JAKMIP1: variants seen among roughly 807,000 people sequenced by gnomAD.
JAKMIP1 encodes janus kinase and microtubule-interacting protein 1.
Under a neutral mutation model 113.0 loss-of-function variants are expected in JAKMIP1, and 33 were observed. The ratio of observed to expected loss-of-function variants is 0.29; its 90% CI spans 0.22 to 0.39. JAKMIP1 has a LOEUF of 0.39. JAKMIP1 is among the 10% of genes least tolerant of loss of function. The probability of loss-of-function intolerance (pLI) is 1.00; values close to 1 mark genes in which losing one functional copy is unlikely to be tolerated. For synonymous variants in JAKMIP1, 480 were observed against 459.9 expected (o/e 1.04, Z -0.56); for missense variants, 813 against 1,080.5 (o/e 0.75, Z 3.47).
At chr4:6,113,682 T>C (rs769808864) in intron 1 of JAKMIP1, among the ~76,000 whole-genome samples, 3 of 152,238 alleles carry the variant, frequency 2.0e-5, no homozygotes, top group Non-Finnish European at 4.4e-5. Context: ...GAGCCAGGAC[T>C]GAGCCTAATC....
Position 6,059,498 on chromosome 4 carries a change from C to G in JAKMIP1, c.1644+926G>C, listed in dbSNP as rs73073449. 1.1e-4 allele frequency among the ~76,000 whole-genome samples: 16 copies of G among 152,294 alleles called. No individual in the cohort carries two copies. In the East Asian group the frequency reaches 1.9e-3, roughly 18 times the overall value. On this transcript the variant is annotated intron_variant, in intron 11 of 20. Transcript: ENST00000409021. The surrounding 1 kb of genome is among the most constrained non-coding windows in gnomAD (Gnocchi z 4.8). ...ACCTTGCCTGGCCTCCTCAGCCCCC[C>G]ATAGATGCCTCTCTGCAGGCAGGGG...
rs375075941 is a variant in JAKMIP1 at position 6,167,970 on chromosome 4, G to A, written c.-148+32283C>T. On this transcript the variant is annotated intron_variant, in intron 1 of 20. Coordinates refer to ENST00000409021, the MANE Select transcript of JAKMIP1 (RefSeq NM_001099433.2). The surrounding 1 kb of genome is among the most constrained non-coding windows in gnomAD (Gnocchi z 5.3). ...ACAGCATGCAGACAATGAGGAGTCC[G>A]CCCATCCTCCACATCACCCGGTGTT... 1.4e-4 allele frequency among the ~76,000 whole-genome samples: 21 copies of A among 152,144 alleles called. No individual in the cohort carries two copies. The highest frequency in any genetic ancestry group is 2.9e-4 in the Non-Finnish European group (20 of 68,032).
chr4:6,058,573 T>G (rs1395490663), intron 11 of JAKMIP1, among the ~76,000 whole-genome samples: 1 of 152,236 alleles, frequency 6.6e-6, no homozygotes, highest in East Asian at 1.9e-4. Flanking sequence ...TTTTAAGTTA[T>G]TAGTCAATTG....
chr4:6,125,515 G>A (rs1384578224), intron 1 of JAKMIP1, among the ~76,000 whole-genome samples: 2 of 152,006 alleles, frequency 1.3e-5, no homozygotes, highest in South Asian at 2.1e-4. Context: ...GTGTCCAGGA[G>A]AGGGTGATTC....
At chr4:6,048,997 GTT>G in intron 15 of JAKMIP1, 75 bp from the exon 16 acceptor site, 4 of 881,526 alleles carry the variant, frequency 4.5e-6, no homozygotes, top group Non-Finnish European at 3.5e-6. Context: ...CACCAAGCAA[GTT>G]TTTTTTTTTC....
Position 6,180,831 on chromosome 4 carries a change from T to A in JAKMIP1, c.-148+19422A>T, listed in dbSNP as rs1427859048. On this transcript the variant is annotated intron_variant, in intron 1 of 20. Coordinates refer to ENST00000409021, the MANE Select transcript of JAKMIP1 (RefSeq NM_001099433.2). The surrounding 1 kb of genome is among the most constrained non-coding windows in gnomAD (Gnocchi z 4.5). The stretch of plus-strand genomic sequence containing the variant: ...CCATGGCACATTGAGCAGGGAGGAG[T>A]CTAGCTGCTCAAGTCCCAAGCTTAG... Among the ~76,000 whole-genome samples the A allele has an allele frequency of 6.6e-6, 1 of 151,602 alleles. No individual in the cohort carries two copies. Among genetic ancestry groups the A allele is most frequent in the Non-Finnish European group, 1.5e-5 (1 of 67,900 alleles).
chr4:6,121,360 G>T (rs1461864346), intron 1 of JAKMIP1, among the ~76,000 whole-genome samples: 1 of 152,176 alleles, frequency 6.6e-6, no homozygotes, highest in Non-Finnish European at 1.5e-5. Context: ...GGCGTCAAAT[G>T]GTCCTCAGTG....
intron 1 of JAKMIP1, among the ~76,000 whole-genome samples, chr4:6,152,419 G>A (rs1325300592): frequency 6.6e-6 from 1 of 152,114 alleles, no homozygotes; most frequent in African/African-American, 2.4e-5. Context: ...ACTGGCTGGG[G>A]AGCTGCCTGC....
intron 5 of JAKMIP1, among the ~76,000 whole-genome samples, chr4:6,082,155 C>G (rs1392956604): frequency 1.3e-5 from 2 of 152,036 alleles, no homozygotes; most frequent in Non-Finnish European, 2.9e-5. Flanking sequence ...AGAGAGGAGG[C>G]AATGGGCCCA....
In JAKMIP1 at chr4:6,086,676, C is replaced by A. The variant is rs1313907984; in HGVS notation, c.625-1047G>T. Reference sequence around the variant, plus strand: ...GCACTGTCCTGGTTGAATAGCAGGCCCCCAAGACCCATGGCCTTCCTGGAA... The same window carrying A: ...GCACTGTCCTGGTTGAATAGCAGGCACCCAAGACCCATGGCCTTCCTGGAA... On this transcript the variant is annotated intron_variant, in intron 3 of 20. Coordinates refer to ENST00000409021, the MANE Select transcript of JAKMIP1 (RefSeq NM_001099433.2). This position sits in a 1 kb window ranked among gnomAD's most constrained non-coding sequence, Gnocchi z 4.1. Among the ~76,000 whole-genome samples, 1 of 152,040 alleles carries A rather than the reference C, an allele frequency of 6.6e-6. No homozygotes were observed. The highest frequency in any genetic ancestry group is 1.9e-4 in the East Asian group (1 of 5,182).
chr4:6,044,221 G>GC lies in JAKMIP1; in HGVS notation c.2029-1995dup, dbSNP rs1032351506. Among the ~76,000 whole-genome samples, 9 of 152,150 alleles carry GC rather than the reference G, an allele frequency of 5.9e-5. No homozygotes were observed. Among genetic ancestry groups the GC allele is most frequent in the South Asian group, 2.1e-4 (1 of 4,812 alleles). On this transcript the variant is annotated intron_variant, in intron 16 of 20. Coordinates refer to ENST00000409021, the MANE Select transcript of JAKMIP1 (RefSeq NM_001099433.2). The surrounding 1 kb of genome is among the most constrained non-coding windows in gnomAD (Gnocchi z 4.4). ...TGTCTGTTTCACCCCTCACCCCGCT[G>GC]CCCCCCTTGAAGGTGGGGACCACAT...
intron 8 of JAKMIP1, among the ~76,000 whole-genome samples, chr4:6,073,994 TC>T (rs1719337349): frequency 6.6e-6 from 1 of 152,168 alleles, no homozygotes; most frequent in Non-Finnish European, 1.5e-5. Flanking sequence ...CCTACCCCAG[TC>T]CCCAGGGCAC....
chr4:6,096,104 G>A (rs1360937676), intron 3 of JAKMIP1, among the ~76,000 whole-genome samples: 1 of 152,148 alleles, frequency 6.6e-6, no homozygotes, highest in Non-Finnish European at 1.5e-5. Context: ...CCCGGCCAAG[G>A]ACACAGGAGT....
In JAKMIP1 at chr4:6,136,710, T is replaced by G. The variant is rs1253014589; in HGVS notation, c.-147-23713A>C. Among the ~76,000 whole-genome samples, 2 of 152,190 alleles carry G rather than the reference T, an allele frequency of 1.3e-5. No individual in the cohort carries two copies. The highest frequency in any genetic ancestry group is 2.9e-5 in the Non-Finnish European group (2 of 68,040). On this transcript the variant is annotated intron_variant, in intron 1 of 20. Coordinates refer to ENST00000409021, the MANE Select transcript of JAKMIP1 (RefSeq NM_001099433.2). This position sits in a 1 kb window ranked among gnomAD's most constrained non-coding sequence, Gnocchi z 5.9. ...GAATCTGGAATTCCAAGAAATGGCC[T>G]GCCCAGGAAAAATAAATAAATAACA...
chr4:6,138,794 C>G lies in JAKMIP1; in HGVS notation c.-147-25797G>C, dbSNP rs1719639774. 6.6e-6 allele frequency among the ~76,000 whole-genome samples: 1 copy of G among 152,136 alleles called. No homozygotes were observed. The highest frequency in any genetic ancestry group is 1.5e-5 in the Non-Finnish European group (1 of 68,052). ...TCCTGGGGCAGGTGCCTTGTCCTCC[C>G]TGAGCTTCAGTTTCCCCTAACCTGG... is the stretch of plus-strand genomic sequence containing the variant. On this transcript the variant is annotated intron_variant, in intron 1 of 20. Transcript: ENST00000409021. The surrounding 1 kb of genome is among the most constrained non-coding windows in gnomAD (Gnocchi z 6.0).
chr4:6,106,543 T>TCTC lies in JAKMIP1; in HGVS notation c.130-579_130-577dup, dbSNP rs1236557332. Among the ~76,000 whole-genome samples the TCTC allele has an allele frequency of 6.6e-6, 1 of 151,398 alleles. No individual in the cohort carries two copies. The highest frequency in any genetic ancestry group is 2.4e-5 in the African/African-American group (1 of 41,146). The stretch of plus-strand genomic sequence containing the variant: ...TCCCTCTCTTTCTCCCTCTCTCCTC[T>TCTC]CTCTCTCTCTCTCTTCCTCTCTCTC... On this transcript the variant is annotated intron_variant, in intron 2 of 20. Transcript: ENST00000409021. The surrounding 1 kb of genome is among the most constrained non-coding windows in gnomAD (Gnocchi z 5.9).
Position 6,070,413 on chromosome 4 carries a change from G to A in JAKMIP1, c.1303-5405C>T, listed in dbSNP as rs200851567. On this transcript the variant is annotated intron_variant, in intron 8 of 20. Transcript: ENST00000409021. ...TTCAGTAAAAGGGAAGCCAGCTCCA[G>A]GGCAGAGCCCAGATGCTGGCCACGC... Among the ~76,000 whole-genome samples the A allele has an allele frequency of 4.6e-5, 7 of 152,366 alleles. No homozygotes were observed. The East Asian group carries it at 1.4e-3, about 29-fold the overall frequency.
At chr4:6,134,984 G>A (rs1719021996) in intron 1 of JAKMIP1, among the ~76,000 whole-genome samples, 1 of 152,218 alleles carries the variant, frequency 6.6e-6, no homozygotes, top group Non-Finnish European at 1.5e-5. Flanking sequence ...ACACAAGACA[G>A]CGTCTGGGCT....
chr4:6,092,744 C>T (rs889569198), intron 3 of JAKMIP1, among the ~76,000 whole-genome samples: 2 of 152,140 alleles, frequency 1.3e-5, no homozygotes, highest in Non-Finnish European at 2.9e-5. Context: ...CTATATCGGT[C>T]ATCATCACAT....
Sources: allele counts gnomAD v4.1 joint callset (sites outside exome capture counted in the v4.1 genomes callset), GRCh38; gene constraint gnomAD v4.1.1; non-coding constraint Gnocchi (gnomAD v3.1); transcripts MANE v1.5; gene names NCBI Gene and HGNC (gene_info 2026-07-23, HGNC 2026-07-21).